UNC13A: variants seen among roughly 807,000 people sequenced by gnomAD.
The protein encoded by UNC13A is protein unc-13 homolog A.
Under a neutral mutation model 219.7 loss-of-function variants are expected in UNC13A, and 61 were observed. The observed-to-expected ratio is 0.28, with a 90% CI of 0.23 to 0.34. UNC13A has a LOEUF of 0.34. Ranked by LOEUF, UNC13A falls within the 10% of genes least tolerant of loss-of-function variation. The pLI, the probability that UNC13A is intolerant of heterozygous loss-of-function variation, is 1.00. For synonymous variants in UNC13A, 920 were observed against 884.6 expected (o/e 1.04, Z -0.71); for missense variants, 1,476 against 2,270.3 (o/e 0.65, Z 7.11).
intron 31 of UNC13A, 147 bp downstream of exon 31, chr19:17,629,093 G>A: frequency 1.5e-6 from 1 of 653,548 alleles, no homozygotes; most frequent in South Asian, 2.0e-5. Flanking sequence ...ATTCAAACAA[G>A]CACCTCTAAA....
intron 19 of UNC13A, among the ~76,000 whole-genome samples, chr19:17,644,490 GCCTGGATT>G (rs2077003417): frequency 6.9e-6 from 1 of 145,584 alleles, no homozygotes; most frequent in African/African-American, 2.6e-5. Flanking sequence ...ACCATGCCCA[GCCTGGATT>G]CCATTTTTTT....
Position 17,630,738 on chromosome 19 carries a change from G to C in UNC13A, c.3441C>G (p.Pro1147=). ...TCTCATCCAGCCACTGGATGACGAA[G>C]GGTTCAAACCATCTGGAATGAAGAG... The part of the protein sequence containing the change: ...RVPEYPAWFE[P]FVIQWLDENE... Residue 1147 remains proline (P), a synonymous_variant, in exon 29 of 44, where the codon CCC becomes CCG. Coordinates refer to ENST00000519716, the MANE Select transcript of UNC13A (RefSeq NM_001080421.3). 6.2e-7 allele frequency: 1 copy of C among 1,613,770 alleles called. No individual in the cohort carries two copies. Among genetic ancestry groups the C allele is most frequent in the Non-Finnish European group, 8.5e-7 (1 of 1,179,806 alleles).
At position 17,642,830 on chromosome 19, in the gene UNC13A, A is replaced by C; in HGVS notation, c.2472+15T>G. ...AGTGGAAGTGGCATGGGAGGGGCCG[A>C]GCAATGACCCTCACCTCATGCAGAC... On this transcript the variant is annotated intron_variant, in intron 20 of 43. Coordinates refer to ENST00000519716, the MANE Select transcript of UNC13A (RefSeq NM_001080421.3). The C allele has an allele frequency of 1.3e-6, 2 of 1,593,632 alleles. No individual in the cohort carries two copies. The highest frequency in any genetic ancestry group is 1.7e-6 in the Non-Finnish European group (2 of 1,168,568).
At chr19:17,629,952 CCAACCTCATCT>C (rs1312320249) in intron 30 of UNC13A, among the ~76,000 whole-genome samples, 182 bp downstream of exon 30, 1 of 151,444 alleles carries the variant, frequency 6.6e-6, no homozygotes, top group African/African-American at 2.4e-5. Flanking sequence ...AACCTCAACT[CCAACCTCATCT>C]CAACCTCAAC....
chr19:17,669,537 G>A lies in UNC13A; in HGVS notation c.394+16C>T, dbSNP rs187694696. On this transcript the variant is annotated intron_variant, in intron 5 of 43. Coordinates refer to ENST00000519716, the MANE Select transcript of UNC13A (RefSeq NM_001080421.3). ...GGGGCTGGGGCTGGGTGAAGGTCCC[G>A]GGCCCCTGTACTCACCTAAGGGTAG... is the stretch of plus-strand genomic sequence containing the variant. 1.2e-4 allele frequency: 186 copies of A among 1,611,500 alleles called. No individual in the cohort carries two copies. Among genetic ancestry groups the A allele is most frequent in the Non-Finnish European group, 1.5e-4 (175 of 1,178,248 alleles).
intron 40 of UNC13A, 58 bp from the exon 41 acceptor site, chr19:17,617,907 G>C: frequency 6.2e-7 from 1 of 1,602,022 alleles, no homozygotes; most frequent in Non-Finnish European, 8.5e-7. Flanking sequence ...CCACTCATAG[G>C]GCTGGGTAGC....
In UNC13A at chr19:17,658,276, G is replaced by T; in HGVS notation, c.560-7C>A. 6.2e-7 allele frequency: 1 copy of T among 1,608,694 alleles called. No individual in the cohort carries two copies. The highest frequency in any genetic ancestry group is 8.5e-7 in the Non-Finnish European group (1 of 1,177,428). On this transcript the variant is annotated splice_region_variant and splice_polypyrimidine_tract_variant and intron_variant, in intron 8 of 43. Transcript: ENST00000519716. Reference sequence around the variant, plus strand: ...GCACTGTCGGGGTCATCGTCTGGAAGAGAGAGGCGGTATGGGAAGAGGGTG... The same window carrying T: ...GCACTGTCGGGGTCATCGTCTGGAATAGAGAGGCGGTATGGGAAGAGGGTG...
intron 9 of UNC13A, among the ~76,000 whole-genome samples, chr19:17,657,435 G>A (rs28715084): frequency 0.071 from 10,770 of 152,226 alleles, 907 homozygotes; most frequent in African/African-American, 0.21. Flanking sequence ...CCTCTGTTAT[G>A]TGCTGCTTAT....
At chr19:17,646,232 G>T in intron 17 of UNC13A, 121 bp from the exon 18 acceptor site, 1 of 1,374,514 alleles carries the variant, frequency 7.3e-7, no homozygotes, top group Non-Finnish European at 9.9e-7. Context: ...GGAGAGCAAT[G>T]GCAGGGCACG....
intron 35 of UNC13A, 60 bp from the exon 36 acceptor site, chr19:17,623,607 C>T: frequency 1.1e-6 from 1 of 941,272 alleles, no homozygotes; most frequent in Non-Finnish European, 1.5e-6. Flanking sequence ...CCATGAGTCT[C>T]CCGGGAAGGC....
intron 7 of UNC13A, among the ~76,000 whole-genome samples, 159 bp downstream of exon 7, chr19:17,666,491 C>T (rs990869316): frequency 2.6e-5 from 4 of 152,106 alleles, no homozygotes; most frequent in African/African-American, 4.8e-5. Flanking sequence ...GCCACCATGC[C>T]CAGCCTCAGA....
Position 17,674,734 on chromosome 19 carries a change from G to A in UNC13A, c.75C>T (p.Thr25=). 6.2e-7 allele frequency: 1 copy of A among 1,613,946 alleles called. No homozygotes were observed. The highest frequency in any genetic ancestry group is 1.1e-5 in the South Asian group (1 of 91,086). Residue 25 remains threonine (T), a synonymous_variant, in exon 3 of 44, where the codon ACC becomes ACT. Transcript: ENST00000519716. This position sits in a 1 kb window ranked among gnomAD's most constrained non-coding sequence, Gnocchi z 5.0. The part of the protein sequence containing the change: ...GAQEKFNTYV[T]LKVQNVKSTT... ...TGCTCTTGACATTCTGCACTTTCAG[G>A]GTCACGTACGTGTTGAATTTCTCTG...
chr19:17,681,704 A>T (rs1284364828), intron 1 of UNC13A, among the ~76,000 whole-genome samples: 2 of 152,156 alleles, frequency 1.3e-5, no homozygotes, highest in African/African-American at 4.8e-5. Context: ...CACCTCCTCC[A>T]TTAATCCTGG....
chr19:17,646,120 C>A lies in UNC13A; in HGVS notation c.2045-9G>T. The A allele has an allele frequency of 6.2e-7, 1 of 1,613,300 alleles. No homozygotes were observed. The highest frequency in any genetic ancestry group is 1.1e-5 in the South Asian group (1 of 91,056). On this transcript the variant is annotated splice_polypyrimidine_tract_variant and intron_variant, in intron 17 of 43. Transcript: ENST00000519716. ...GCCCTGGGCGCAGACCACTGGAAGA[C>A]ACAGAGGGCATACACAGGTGTGCAC... is the stretch of plus-strand genomic sequence containing the variant.
chr19:17,687,175 G>A (rs1392505654), intron 1 of UNC13A, among the ~76,000 whole-genome samples: 1 of 152,158 alleles, frequency 6.6e-6, no homozygotes, highest in Non-Finnish European at 1.5e-5. Context: ...CACGACCCCA[G>A]AGCCATAAAG....
intron 16 of UNC13A, among the ~76,000 whole-genome samples, chr19:17,647,886 C>T (rs1239702651): frequency 6.8e-6 from 1 of 146,078 alleles, no homozygotes; most frequent in Non-Finnish European, 1.5e-5. Flanking sequence ...CTCTCTGAGC[C>T]CCACTCCTCT....
Position 17,611,930 on chromosome 19 carries a change from C to T in UNC13A, c.4559-75G>A, listed in dbSNP as rs2076608438. ...CCACCAGGAGGGACCTTGACGGCCT[C>T]CCACCCACCTGTGCTGGCGGCACCA... On this transcript the variant is annotated intron_variant, in intron 41 of 43. Transcript: ENST00000519716. The T allele has an allele frequency of 3.8e-6, 5 of 1,332,334 alleles. No homozygotes were observed. The South Asian group carries it at 4.9e-5, about 13-fold the overall frequency. 82.5% of individuals were successfully genotyped at this position (1,332,334 alleles called of 1,614,324 possible).
Position 17,686,540 on chromosome 19 carries a change from C to T in UNC13A, c.22+1638G>A, listed in dbSNP as rs12609226. On this transcript the variant is annotated intron_variant, in intron 1 of 43. Coordinates refer to ENST00000519716, the MANE Select transcript of UNC13A (RefSeq NM_001080421.3). The stretch of plus-strand genomic sequence containing the variant: ...TTCTCCTCCCATTCCGTCCTCAGGC[C>T]TAGGCGGTGGGGGTCGCCTAGGGGT... Among the ~76,000 whole-genome samples, 25 of 152,074 alleles carry T rather than the reference C, an allele frequency of 1.6e-4. 1 individual carries two copies. The highest frequency in any genetic ancestry group is 5.5e-4 in the African/African-American group (23 of 41,498).
intron 3 of UNC13A, among the ~76,000 whole-genome samples, chr19:17,673,975 T>C (rs976793104): frequency 1.3e-5 from 2 of 150,884 alleles, no homozygotes; most frequent in Non-Finnish European, 3.0e-5. Flanking sequence ...TATGCCACTG[T>C]ACTCCAGCCT....
Sources: allele counts gnomAD v4.1 joint callset (sites outside exome capture counted in the v4.1 genomes callset), GRCh38; gene constraint gnomAD v4.1.1; non-coding constraint Gnocchi (gnomAD v3.1); transcripts MANE v1.5; gene names NCBI Gene and HGNC (gene_info 2026-07-23, HGNC 2026-07-21).